Variants in KIF6 observed in about 807,000 individuals in gnomAD.
KIF6 encodes the protein kinesin family member 6.
KIF6 carries 106 observed loss-of-function variants against 112.7 expected under a neutral mutation model. The ratio of observed to expected loss-of-function variants is 0.94; its 90% CI spans 0.80 to 1.11. KIF6 has a LOEUF of 1.11. Ranked by LOEUF, KIF6 falls within the 50% of genes least tolerant of loss-of-function variation. The pLI is 0.00. For missense variants in KIF6, 929 were observed against 964.0 expected, an observed-to-expected ratio of 0.96 and a Z score of 0.48; for synonymous variants, 339 against 339.9, an observed-to-expected ratio of 1.00 and a Z score of 0.03.
At chr6:39,670,452 T>C (rs1465547603) in intron 3 of KIF6, among the ~76,000 whole-genome samples, 1 of 152,082 alleles carries the variant, frequency 6.6e-6, no homozygotes, top group Non-Finnish European at 1.5e-5. Flanking sequence ...CTACAGAAAA[T>C]ATTATTAAGA....
At chr6:39,476,388 T>C (rs745914431) in intron 13 of KIF6, among the ~76,000 whole-genome samples, 4 of 151,980 alleles carry the variant, frequency 2.6e-5, no homozygotes, top group Non-Finnish European at 5.9e-5. Flanking sequence ...TCCCACAAAG[T>C]TCATAAAACT....
At chr6:39,548,034 T>G (rs528174517) in intron 10 of KIF6, among the ~76,000 whole-genome samples, 2 of 152,220 alleles carry the variant, frequency 1.3e-5, no homozygotes, top group African/African-American at 4.8e-5. Context: ...TTCTAGAATA[T>G]ACACTCGTTT....
At chr6:39,710,769 T>C (rs781377539) in intron 3 of KIF6, among the ~76,000 whole-genome samples, 1 of 151,910 alleles carries the variant, frequency 6.6e-6, no homozygotes, top group Non-Finnish European at 1.5e-5. Context: ...AAAGAATAGA[T>C]ATGTTAGAGG....
At chr6:39,537,015 A>G (rs1385505421) in intron 13 of KIF6, among the ~76,000 whole-genome samples, 3 of 152,216 alleles carry the variant, frequency 2.0e-5, no homozygotes, top group Admixed American at 6.5e-5. Flanking sequence ...AAATTCAACA[A>G]TGCTTCATGC....
chr6:39,441,147 G>A (rs1332888312), intron 13 of KIF6, among the ~76,000 whole-genome samples: 5 of 152,080 alleles, frequency 3.3e-5, no homozygotes, highest in Admixed American at 6.6e-5. Context: ...CTATGTTACC[G>A]CTTTCACTCT....
intron 7 of KIF6, among the ~76,000 whole-genome samples, chr6:39,589,567 T>G (rs913339946): frequency 6.6e-6 from 1 of 152,166 alleles, no homozygotes; most frequent in Non-Finnish European, 1.5e-5. Flanking sequence ...CTAGTTGTCT[T>G]GAAGGTCATG....
intron 16 of KIF6, among the ~76,000 whole-genome samples, chr6:39,368,678 T>C (rs1765749137): frequency 6.6e-6 from 1 of 152,192 alleles, no homozygotes; most frequent in African/African-American, 2.4e-5. Flanking sequence ...GCTTGCCTGC[T>C]AGGTGTGAGG....
At chr6:39,478,413 T>C (rs1486469805) in intron 13 of KIF6, among the ~76,000 whole-genome samples, 2 of 152,176 alleles carry the variant, frequency 1.3e-5, no homozygotes, top group Non-Finnish European at 2.9e-5. Flanking sequence ...ATCATATATA[T>C]ATCATGTCAT....
chr6:39,721,812 T>C (rs1480652510), intron 1 of KIF6, among the ~76,000 whole-genome samples: 7 of 120,728 alleles, frequency 5.8e-5, no homozygotes, highest in Admixed American at 2.3e-4. Context: ...TTTAAAGGTT[T>C]TTTTTTTTTT....
chr6:39,553,071 T>C (rs1391770380), intron 10 of KIF6, among the ~76,000 whole-genome samples: 1 of 152,234 alleles, frequency 6.6e-6, no homozygotes, highest in African/African-American at 2.4e-5. Flanking sequence ...GACTTAAAAG[T>C]AGTCACTTCA....
chr6:39,671,524 T>C (rs1442203985), intron 3 of KIF6, among the ~76,000 whole-genome samples: 6 of 152,204 alleles, frequency 3.9e-5, no homozygotes, highest in Non-Finnish European at 8.8e-5. Context: ...CCCTGCCCTA[T>C]GTTCCTGATG....
At chr6:39,384,670 C>T (rs1278315002) in intron 16 of KIF6, among the ~76,000 whole-genome samples, 1 of 152,226 alleles carries the variant, frequency 6.6e-6, no homozygotes, top group Non-Finnish European at 1.5e-5. Flanking sequence ...TAGAGGCTCT[C>T]CTCTATTTCC....
chr6:39,510,971 A>G (rs866613601), intron 13 of KIF6, among the ~76,000 whole-genome samples: 1 of 151,838 alleles, frequency 6.6e-6, no homozygotes, highest in African/African-American at 2.4e-5. Context: ...AAAGAAGGCC[A>G]TTACATAATG....
At chr6:39,392,090 C>T (rs900046991) in intron 15 of KIF6, among the ~76,000 whole-genome samples, 7 of 152,100 alleles carry the variant, frequency 4.6e-5, no homozygotes, top group African/African-American at 1.7e-4. Flanking sequence ...TGTAGGTGTT[C>T]TTACAATTTG....
chr6:39,585,337 C>T (rs1227228260), intron 8 of KIF6, among the ~76,000 whole-genome samples: 5 of 152,162 alleles, frequency 3.3e-5, no homozygotes, highest in African/African-American at 4.8e-5. Context: ...ATTGGGTTCA[C>T]GCTCTTATGA....
chr6:39,557,359 G>T (rs1473802418), intron 10 of KIF6, among the ~76,000 whole-genome samples: 1 of 152,102 alleles, frequency 6.6e-6, no homozygotes, highest in African/African-American at 2.4e-5. Context: ...ACAAGGCAAA[G>T]ACAGATCTTA....
chr6:39,598,489 C>A (rs535828398), intron 6 of KIF6, among the ~76,000 whole-genome samples: 1 of 151,690 alleles, frequency 6.6e-6, no homozygotes, highest in South Asian at 2.1e-4. Context: ...TAATATGTGG[C>A]GAAGTTCCAA....
chr6:39,391,230 C>A (rs148927255), intron 15 of KIF6, among the ~76,000 whole-genome samples: 309 of 152,248 alleles, frequency 2.0e-3, no homozygotes, highest in Non-Finnish European at 3.7e-3. Context: ...GGAGCTGAGG[C>A]CTTGAACTTG....
chr6:39,354,562 A>C (rs1764498776), intron 19 of KIF6, among the ~76,000 whole-genome samples: 1 of 152,228 alleles, frequency 6.6e-6, no homozygotes, highest in South Asian at 2.1e-4. Context: ...TAGCTGAATG[A>C]CCTTGGTACA....
Sources: gnomAD v4.1 joint callset for allele counts (sites outside exome capture counted in the v4.1 genomes callset) on GRCh38, gnomAD v4.1.1 for gene constraint, MANE v1.5 for transcripts, NCBI Gene and HGNC (gene_info 2026-07-23, HGNC 2026-07-21) for gene names.